Variants in MUSK observed in about 807,000 individuals in gnomAD.
The protein encoded by MUSK is muscle, skeletal receptor tyrosine-protein kinase.
Under a neutral mutation model 88.7 loss-of-function variants are expected in MUSK, and 55 were observed. That is an observed-to-expected ratio of 0.62 (90% confidence interval 0.50 to 0.78). The LOEUF (loss-of-function observed/expected upper bound fraction) is 0.78. Ranked by LOEUF, MUSK falls within the 30% of genes least tolerant of loss-of-function variation. The pLI, the probability that MUSK is intolerant of heterozygous loss-of-function variation, is 0.00. For missense variants in MUSK, 1,015 were observed against 1,074.3 expected (o/e 0.94, Z 0.77); for synonymous variants, 387 against 391.9 (o/e 0.99, Z 0.15).
At chr9:110,747,363 C>T (rs2077186215) in intron 6 of MUSK, among the ~76,000 whole-genome samples, 1 of 152,128 alleles carries the variant, frequency 6.6e-6, no homozygotes, top group African/African-American at 2.4e-5. Flanking sequence ...GAAAGCAAGC[C>T]ACAATGTGCA....
At chr9:110,790,991 A>C (rs1210278194) in intron 14 of MUSK, among the ~76,000 whole-genome samples, 2 of 152,200 alleles carry the variant, frequency 1.3e-5, no homozygotes, top group Non-Finnish European at 2.9e-5. Context: ...CAAAGGAGTG[A>C]TTATTATGAT....
intron 5 of MUSK, among the ~76,000 whole-genome samples, chr9:110,701,907 T>C (rs1292510517): frequency 3.1e-5 from 4 of 129,776 alleles, no homozygotes; most frequent in Non-Finnish European, 6.3e-5. Flanking sequence ...TTATTTTATT[T>C]TATTTTATTT....
chr9:110,732,810 C>A (rs1015659299), intron 5 of MUSK, among the ~76,000 whole-genome samples: 1 of 151,934 alleles, frequency 6.6e-6, no homozygotes, highest in Non-Finnish European at 1.5e-5. Context: ...GGTTTTGGGA[C>A]CCACATTTCT....
intron 11 of MUSK, among the ~76,000 whole-genome samples, chr9:110,779,854 A>G (rs1222172426): frequency 1.4e-4 from 22 of 152,176 alleles, no homozygotes; most frequent in Admixed American, 1.4e-3. Flanking sequence ...ACTATGTTCT[A>G]TGAGGCATAG....
At chr9:110,773,226 A>G (rs1298970452) in intron 9 of MUSK, among the ~76,000 whole-genome samples, 1 of 152,110 alleles carries the variant, frequency 6.6e-6, no homozygotes, top group African/African-American at 2.4e-5. Flanking sequence ...TGGAAAAAGA[A>G]AAAAGGAATG....
At chr9:110,771,420 T>C (rs2077573851) in intron 9 of MUSK, among the ~76,000 whole-genome samples, 1 of 152,066 alleles carries the variant, frequency 6.6e-6, no homozygotes, top group Non-Finnish European at 1.5e-5. Context: ...CAACTTCCCA[T>C]TATCTCTAAA....
At position 110,747,714 on chromosome 9, in the gene MUSK, A is replaced by T; in HGVS notation, c.827A>T (p.Lys276Met). ...IDSRLQLFIT[K>M]PGLYTCIATN... is the part of the protein sequence containing the mutation. ...TCAAGACTGCAGCTGTTTATCACCA[A>T]GCCAGGACTCTACACATGCATAGCT... Residue 276 changes from lysine to methionine, a missense_variant, in exon 7 of 15, where the codon AAG (lysine) becomes ATG (methionine). Physicochemically the swap from Lys to Met is moderately conservative, Grantham distance 95. Transcript: ENST00000374448. The T allele has an allele frequency of 6.2e-7, 1 of 1,613,868 alleles. No homozygotes were observed. Among genetic ancestry groups the T allele is most frequent in the Non-Finnish European group, 8.5e-7 (1 of 1,179,810 alleles).
At chr9:110,714,680 A>C (rs2076723003) in intron 5 of MUSK, among the ~76,000 whole-genome samples, 1 of 152,170 alleles carries the variant, frequency 6.6e-6, no homozygotes. Flanking sequence ...TTTAATGATA[A>C]GGGTTTGAGA....
intron 5 of MUSK, chr9:110,728,630 T>C: frequency 9.3e-7 from 1 of 1,080,114 alleles, no homozygotes; most frequent in East Asian, 2.4e-5. Flanking sequence ...TTTCATGATG[T>C]GTTGTTTTGT....
chr9:110,675,858 G>A (rs2076020970), intron 1 of MUSK, among the ~76,000 whole-genome samples: 1 of 152,054 alleles, frequency 6.6e-6, no homozygotes, highest in Non-Finnish European at 1.5e-5. Context: ...ACCGCACCTG[G>A]CCTAGTCTTT....
At chr9:110,691,899 T>C (rs1381710620) in intron 3 of MUSK, among the ~76,000 whole-genome samples, 1 of 152,178 alleles carries the variant, frequency 6.6e-6, no homozygotes, top group Non-Finnish European at 1.5e-5. Flanking sequence ...ATAATAATTT[T>C]GCTGCATGCA....
intron 14 of MUSK, among the ~76,000 whole-genome samples, chr9:110,790,570 G>T (rs2077956286): frequency 6.6e-6 from 1 of 152,180 alleles, no homozygotes; most frequent in Admixed American, 6.5e-5. Context: ...AGAATGCTCA[G>T]ATCAACCATA....
intron 8 of MUSK, among the ~76,000 whole-genome samples, chr9:110,764,402 T>C (rs1213012977): frequency 6.6e-6 from 1 of 152,162 alleles, no homozygotes; most frequent in Non-Finnish European, 1.5e-5. Flanking sequence ...TTTGAAGTGA[T>C]AGATTTAGGG....
chr9:110,752,966 G>C (rs1260268925), intron 7 of MUSK, among the ~76,000 whole-genome samples: 1 of 152,078 alleles, frequency 6.6e-6, no homozygotes, highest in African/African-American at 2.4e-5. Flanking sequence ...ACCCCATAAA[G>C]CCTCAAGTTG....
At chr9:110,698,148 T>C (rs2076457616) in intron 5 of MUSK, among the ~76,000 whole-genome samples, 1 of 152,164 alleles carries the variant, frequency 6.6e-6, no homozygotes, top group Non-Finnish European at 1.5e-5. Context: ...AAAAGAACTA[T>C]CAGCACACCT....
intron 4 of MUSK, 38 bp downstream of exon 4, chr9:110,695,568 T>C (rs755266313): frequency 6.9e-7 from 1 of 1,456,706 alleles, no homozygotes; most frequent in African/African-American, 1.4e-5. Context: ...ATATAAAATG[T>C]ATTTTAAAAT....
rs1047061736 is a variant in MUSK, at chr9:110,802,016, G to C, written c.*1028G>C. Among the ~76,000 whole-genome samples the C allele has an allele frequency of 6.6e-6, 1 of 152,118 alleles. No homozygotes were observed. Among genetic ancestry groups the C allele is most frequent in the Admixed American group, 6.5e-5 (1 of 15,274 alleles). On this transcript the variant is annotated 3_prime_UTR_variant, in exon 15 of 15. Coordinates refer to ENST00000374448, the MANE Select transcript of MUSK (RefSeq NM_005592.4). ...CTCACCTATTAATATTATTACTAGA[G>C]TCTATTTAAATCTCTTAAACCATAA... is the stretch of plus-strand genomic sequence containing the variant.
At chr9:110,719,195 A>G (rs1385857821) in intron 5 of MUSK, among the ~76,000 whole-genome samples, 1 of 152,136 alleles carries the variant, frequency 6.6e-6, no homozygotes, top group African/African-American at 2.4e-5. Flanking sequence ...CAAGGTATTC[A>G]GGCAACAAAT....
intron 1 of MUSK, among the ~76,000 whole-genome samples, chr9:110,669,825 C>T (rs1007369306): frequency 6.6e-6 from 1 of 152,048 alleles, no homozygotes; most frequent in African/African-American, 2.4e-5. Flanking sequence ...GAAAGCAGAT[C>T]GAGTGGTATC....
Sources: allele counts gnomAD v4.1 joint callset (sites outside exome capture counted in the v4.1 genomes callset), GRCh38; gene constraint gnomAD v4.1.1; transcripts MANE v1.5; gene names NCBI Gene and HGNC (gene_info 2026-07-23, HGNC 2026-07-21).